Variants in ULK4 observed in about 807,000 individuals in gnomAD.
The protein encoded by ULK4 is unc-51 like kinase 4, also known as inactive serine/threonine-protein kinase ULK4.
A neutral mutation model predicts 160.6 loss-of-function variants in ULK4; 133 were observed. The observed-to-expected ratio is 0.83, with a 90% CI of 0.72 to 0.96. ULK4 has a LOEUF of 0.96. Ranked by LOEUF, ULK4 falls within the 40% of genes least tolerant of loss-of-function variation. ULK4 has a pLI of 0.00. For synonymous variants in ULK4, 534 were observed against 539.8 expected, an observed-to-expected ratio of 0.99 and a Z score of 0.15; for missense variants, 1,580 against 1,499.5, an observed-to-expected ratio of 1.05 and a Z score of -0.89.
chr3:41,298,177 G>A (rs1253269611), intron 35 of ULK4, among the ~76,000 whole-genome samples: 1 of 152,218 alleles, frequency 6.6e-6, no homozygotes, highest in Non-Finnish European at 1.5e-5. Context: ...TGGCTTGTAA[G>A]TCTAACATAT....
intron 30 of ULK4, among the ~76,000 whole-genome samples, chr3:41,643,915 G>T (rs1410066270): frequency 6.6e-6 from 1 of 152,024 alleles, no homozygotes; most frequent in Admixed American, 6.5e-5. Context: ...CACATCCCTT[G>T]TAAGTTGGAT....
chr3:41,797,606 T>C (rs1404575034), intron 20 of ULK4, among the ~76,000 whole-genome samples: 1 of 152,158 alleles, frequency 6.6e-6, no homozygotes, highest in Non-Finnish European at 1.5e-5. Flanking sequence ...ACGACTGTAA[T>C]CCCAGCACTT....
intron 31 of ULK4, among the ~76,000 whole-genome samples, chr3:41,612,775 C>G (rs1366828610): frequency 6.6e-6 from 1 of 151,920 alleles, no homozygotes; most frequent in African/African-American, 2.4e-5. Context: ...AGGAAAAAAA[C>G]AGAGAAGCTG....
At chr3:41,502,846 A>G (rs1010151500) in intron 32 of ULK4, among the ~76,000 whole-genome samples, 3 of 152,214 alleles carry the variant, frequency 2.0e-5, no homozygotes, top group Non-Finnish European at 4.4e-5. Flanking sequence ...AAAATGTTTC[A>G]TATCTTGATT....
chr3:41,884,888 A>C (rs1307882061), intron 16 of ULK4, among the ~76,000 whole-genome samples: 1 of 152,174 alleles, frequency 6.6e-6, no homozygotes, highest in Non-Finnish European at 1.5e-5. Context: ...TTAGCATCCC[A>C]CCTGTGAATA....
At chr3:41,435,759 C>T (rs1000864187) in intron 34 of ULK4, among the ~76,000 whole-genome samples, 7 of 152,018 alleles carry the variant, frequency 4.6e-5, no homozygotes, top group African/African-American at 1.7e-4. Flanking sequence ...CCAGCCTGAC[C>T]AACATAGTGA....
intron 31 of ULK4, among the ~76,000 whole-genome samples, chr3:41,574,531 C>CTTTTTTTTTTTT: frequency 1.1e-5 from 1 of 92,150 alleles, no homozygotes; most frequent in Admixed American, 1.6e-4. Flanking sequence ...CCAGAGTCCT[C>CTTTTTTTTTTTT]TTTTTTTTTT....
chr3:41,456,154 C>G (rs539891117), intron 33 of ULK4, among the ~76,000 whole-genome samples: 20 of 152,334 alleles, frequency 1.3e-4, no homozygotes, highest in Admixed American at 3.9e-4. Flanking sequence ...ACGTGATCCA[C>G]CCATCACAGA....
intron 22 of ULK4, among the ~76,000 whole-genome samples, chr3:41,738,834 T>A (rs1459931735): frequency 6.6e-6 from 1 of 151,900 alleles, no homozygotes; most frequent in Non-Finnish European, 1.5e-5. Context: ...ACAAACTTAT[T>A]AGTTTTGAAT....
intron 34 of ULK4, among the ~76,000 whole-genome samples, chr3:41,400,524 T>A (rs947904864): frequency 1.3e-5 from 2 of 152,240 alleles, no homozygotes; most frequent in African/African-American, 4.8e-5. Context: ...CATTTCTTTT[T>A]ATTACTGAGT....
chr3:41,494,197 T>A (rs28887901), intron 32 of ULK4, among the ~76,000 whole-genome samples: 1 of 92,920 alleles, frequency 1.1e-5, no homozygotes, highest in Non-Finnish European at 2.3e-5. Flanking sequence ...ACTGGCAAAC[T>A]GAATCCAGCA....
chr3:41,925,363 A>G (rs1699341995), intron 5 of ULK4, among the ~76,000 whole-genome samples: 1 of 152,064 alleles, frequency 6.6e-6, no homozygotes. Context: ...GGAACAGTGC[A>G]CTCCGGCCCA....
intron 31 of ULK4, among the ~76,000 whole-genome samples, chr3:41,592,973 G>A (rs1349752893): frequency 2.0e-5 from 3 of 151,994 alleles, no homozygotes; most frequent in Non-Finnish European, 4.4e-5. Flanking sequence ...CCTCACTAAT[G>A]TCAACAAGCT....
chr3:41,524,953 A>AAAAC (rs544225770), intron 32 of ULK4, among the ~76,000 whole-genome samples: 11 of 152,100 alleles, frequency 7.2e-5, no homozygotes, highest in South Asian at 2.1e-4. Flanking sequence ...GAACAAACAA[A>AAAAC]AAACAAACAA....
chr3:41,468,759 G>T (rs1575265146), intron 32 of ULK4, among the ~76,000 whole-genome samples: 1 of 152,168 alleles, frequency 6.6e-6, no homozygotes, highest in South Asian at 2.1e-4. Context: ...TTTCTACAGA[G>T]GGAAGAGAAC....
At chr3:41,680,651 A>AT (rs558571863) in intron 29 of ULK4, among the ~76,000 whole-genome samples, 1 of 152,176 alleles carries the variant, frequency 6.6e-6, no homozygotes, top group Non-Finnish European at 1.5e-5. Flanking sequence ...ATGATCATTA[A>AT]TTTTTTTTAA....
chr3:41,398,410 GTCCC>G, intron 34 of ULK4, 146 bp from the exon 35 acceptor site: 1 of 748,452 alleles, frequency 1.3e-6, no homozygotes, highest in Non-Finnish European at 2.1e-6. Flanking sequence ...TTGAGACAGG[GTCCC>G]ACTCTGTTGC....
chr3:41,684,098 A>C (rs1303364885), intron 27 of ULK4, among the ~76,000 whole-genome samples: 1 of 152,226 alleles, frequency 6.6e-6, no homozygotes, highest in East Asian at 1.9e-4. Context: ...CCACCAAAAA[A>C]TGGAAAAAAG....
At chr3:41,362,531 C>T in intron 35 of ULK4, among the ~76,000 whole-genome samples, 1 of 152,186 alleles carries the variant, frequency 6.6e-6, no homozygotes, top group East Asian at 1.9e-4. Context: ...GTTAAACTGT[C>T]AAGCTAAAAT....
Sources: allele counts gnomAD v4.1 joint callset (sites outside exome capture counted in the v4.1 genomes callset), GRCh38; gene constraint gnomAD v4.1.1; transcripts MANE v1.5; gene names NCBI Gene and HGNC (gene_info 2026-07-23, HGNC 2026-07-21).